CCSER1: variants seen among roughly 807,000 people sequenced by gnomAD.
The protein encoded by CCSER1 is serine-rich coiled-coil domain-containing protein 1.
CCSER1 carries 41 observed loss-of-function variants against 82.0 expected under a neutral mutation model. The ratio of observed to expected loss-of-function variants is 0.50; its 90% confidence interval spans 0.39 to 0.65. The LOEUF is 0.65. Ranked by LOEUF, CCSER1 falls within the 30% of genes least tolerant of loss-of-function variation. The pLI, the probability that CCSER1 is intolerant of heterozygous loss-of-function variation, is 0.00. For synonymous variants in CCSER1, 414 were observed against 383.9 expected (o/e 1.08, Z -0.92); for missense variants, 1,119 against 1,064.2 (o/e 1.05, Z -0.72).
intron 10 of CCSER1, among the ~76,000 whole-genome samples, chr4:91,560,638 A>G (rs1762612248): frequency 6.6e-6 from 1 of 151,434 alleles, no homozygotes; most frequent in South Asian, 2.1e-4. Context: ...AATGTCTGGT[A>G]AAGAGCACCC....
At chr4:90,618,030 T>C (rs1449666629) in intron 5 of CCSER1, among the ~76,000 whole-genome samples, 4 of 152,022 alleles carry the variant, frequency 2.6e-5, no homozygotes, top group Admixed American at 2.6e-4. Context: ...AAAATCTGTT[T>C]CTAGTTGAAA....
intron 3 of CCSER1, among the ~76,000 whole-genome samples, chr4:90,346,183 G>T (rs1274428452): frequency 2.0e-5 from 3 of 152,012 alleles, no homozygotes; most frequent in East Asian, 3.8e-4. Context: ...GTTACATAAA[G>T]AATCCTTTGT....
intron 5 of CCSER1, among the ~76,000 whole-genome samples, chr4:90,496,971 CAAAAAAAAAAAA>C (rs771281710): frequency 5.4e-5 from 3 of 55,222 alleles, no homozygotes; most frequent in East Asian, 4.9e-4. Flanking sequence ...AGCGAGACTA[CAAAAAAAAAAAA>C]AAAAAAAAAA....
At chr4:90,570,355 A>T (rs1257324350) in intron 5 of CCSER1, among the ~76,000 whole-genome samples, 1 of 152,084 alleles carries the variant, frequency 6.6e-6, no homozygotes, top group Admixed American at 6.5e-5. Flanking sequence ...CTGCAAGTTG[A>T]ACTGGCCTCA....
intron 10 of CCSER1, among the ~76,000 whole-genome samples, chr4:91,309,210 T>C (rs987247813): frequency 6.6e-6 from 1 of 152,072 alleles, no homozygotes; most frequent in Non-Finnish European, 1.5e-5. Flanking sequence ...TGTCCAGACA[T>C]TGGAGCACAT....
At chr4:90,573,598 T>C (rs967885854) in intron 5 of CCSER1, among the ~76,000 whole-genome samples, 1 of 152,228 alleles carries the variant, frequency 6.6e-6, no homozygotes, top group Non-Finnish European at 1.5e-5. Context: ...CTTTGATCTC[T>C]AAGTTGGTTT....
intron 3 of CCSER1, among the ~76,000 whole-genome samples, chr4:90,341,841 T>C (rs1741432010): frequency 6.6e-6 from 1 of 152,136 alleles, no homozygotes; most frequent in Non-Finnish European, 1.5e-5. Context: ...TGACAAAAAA[T>C]AGAAAGAACC....
rs189602061 is a variant in CCSER1, at chr4:91,463,129, C to T, written c.2218-135443C>T. Reference sequence around the variant, plus strand: ...CCCCCAGTAGAGGTAGACTGACTCCCCACATGGCCAAGTAACCCTCTGAGA... The same window carrying T: ...CCCCCAGTAGAGGTAGACTGACTCCTCACATGGCCAAGTAACCCTCTGAGA... On this transcript the variant is annotated intron_variant, in intron 10 of 10. Coordinates refer to ENST00000509176, the MANE Select transcript of CCSER1 (RefSeq NM_001145065.2). Among the ~76,000 whole-genome samples, 142 of 152,204 alleles carry T rather than the reference C, an allele frequency of 9.3e-4. 1 individual carries two copies. The highest frequency in any genetic ancestry group is 9.1e-3 in the Admixed American group (139 of 15,286).
intron 9 of CCSER1, among the ~76,000 whole-genome samples, chr4:90,946,181 A>G (rs577153103): frequency 6.6e-6 from 1 of 152,250 alleles, no homozygotes; most frequent in African/African-American, 2.4e-5. Flanking sequence ...GCATGAGCAA[A>G]TACAAGATAC....
chr4:90,387,583 G>T (rs924437258), intron 3 of CCSER1, among the ~76,000 whole-genome samples: 9 of 152,128 alleles, frequency 5.9e-5, no homozygotes, highest in Admixed American at 2.0e-4. Context: ...GTGGCTTTGG[G>T]TCATGCAATA....
At chr4:91,218,376 G>A (rs532470902) in intron 10 of CCSER1, among the ~76,000 whole-genome samples, 26 of 152,308 alleles carry the variant, frequency 1.7e-4, no homozygotes, top group Admixed American at 5.2e-4. Flanking sequence ...GCAAGCTGAG[G>A]GAGTGGGCTC....
intron 7 of CCSER1, among the ~76,000 whole-genome samples, chr4:90,804,807 G>A (rs1757297512): frequency 1.3e-5 from 2 of 152,112 alleles, no homozygotes; most frequent in African/African-American, 4.8e-5. Context: ...AAATTTCTGA[G>A]TATGTGGCTG....
chr4:90,173,036 C>T (rs961865261), intron 1 of CCSER1, among the ~76,000 whole-genome samples: 1 of 151,620 alleles, frequency 6.6e-6, no homozygotes, highest in Non-Finnish European at 1.5e-5. Flanking sequence ...GGGAAAGTGG[C>T]GATTTCAGTT....
intron 3 of CCSER1, among the ~76,000 whole-genome samples, chr4:90,339,439 A>G (rs1458732465): frequency 6.6e-6 from 1 of 151,926 alleles, no homozygotes; most frequent in African/African-American, 2.4e-5. Context: ...GTCTGTTCTC[A>G]ACACTTCCCA....
intron 5 of CCSER1, among the ~76,000 whole-genome samples, chr4:90,590,097 A>T (rs1782512629): frequency 6.6e-6 from 1 of 152,104 alleles, no homozygotes; most frequent in African/African-American, 2.4e-5. Context: ...AACCTGGAGA[A>T]ACCCTGTCTC....
At chr4:90,306,889 A>C (rs1306330385) in intron 1 of CCSER1, among the ~76,000 whole-genome samples, 1 of 152,216 alleles carries the variant, frequency 6.6e-6, no homozygotes, top group Admixed American at 6.5e-5. Flanking sequence ...TCAGTGAAAA[A>C]TGGCAGTCAC....
intron 10 of CCSER1, among the ~76,000 whole-genome samples, chr4:91,129,241 TTAAAAA>T (rs1727790402): frequency 6.6e-6 from 1 of 151,978 alleles, no homozygotes; most frequent in African/African-American, 2.4e-5. Flanking sequence ...ATCCCAAAAC[TTAAAAA>T]TAATAAGTAA....
At chr4:91,548,837 T>C (rs1762018264) in intron 10 of CCSER1, among the ~76,000 whole-genome samples, 1 of 152,108 alleles carries the variant, frequency 6.6e-6, no homozygotes. Flanking sequence ...TGCCTAAGCG[T>C]CATTTTCTCA....
intron 10 of CCSER1, among the ~76,000 whole-genome samples, chr4:91,163,942 A>G (rs894014750): frequency 1.3e-5 from 2 of 152,228 alleles, no homozygotes; most frequent in South Asian, 4.2e-4. Flanking sequence ...TAAGGTTAAT[A>G]TTGTTATGTG....
Sources: allele counts gnomAD v4.1 joint callset (sites outside exome capture counted in the v4.1 genomes callset), GRCh38; gene constraint gnomAD v4.1.1; transcripts MANE v1.5; gene names NCBI Gene and HGNC (gene_info 2026-07-23, HGNC 2026-07-21).